EPHA6: variants seen among roughly 807,000 people sequenced by gnomAD.
EPHA6 encodes the protein EPH receptor A6.
A neutral mutation model predicts 112.0 loss-of-function variants in EPHA6; 50 were observed. That is an observed-to-expected ratio of 0.45 (90% CI 0.36 to 0.56). EPHA6 has a LOEUF of 0.56. Among genes scored for constraint, EPHA6 ranks in the 20% least tolerant of loss-of-function variants. The pLI is 0.00. For missense variants in EPHA6, 1,280 were observed against 1,417.4 expected (o/e 0.90, Z 1.56); for synonymous variants, 529 against 490.7 (o/e 1.08, Z -1.03).
In EPHA6 at chr3:97,130,376, G is replaced by T. The variant is rs1384098581; in HGVS notation, c.1115-95888G>T. Among the ~76,000 whole-genome samples, 20 of 151,626 alleles carry T rather than the reference G, an allele frequency of 1.3e-4. 1 individual carries two copies. Among genetic ancestry groups the T allele is most frequent in the East Asian group, 1.2e-3 (6 of 5,138 alleles). ...TACATATGGTAGTTAAATCCAATTTGCTTTTATTGTAAATTGGTTTGGTCA... is the reference window on the plus strand; with the variant it reads ...TACATATGGTAGTTAAATCCAATTTTCTTTTATTGTAAATTGGTTTGGTCA... On this transcript the variant is annotated intron_variant, in intron 3 of 17. Coordinates refer to ENST00000389672, the MANE Select transcript of EPHA6 (RefSeq NM_001080448.3).
intron 5 of EPHA6, among the ~76,000 whole-genome samples, chr3:97,263,362 A>G (rs954068151): frequency 6.6e-6 from 1 of 151,982 alleles, no homozygotes; most frequent in Non-Finnish European, 1.5e-5. Flanking sequence ...CAATAAAGGA[A>G]TATATGATTA....
chr3:96,859,424 C>G (rs1246491464), intron 1 of EPHA6, among the ~76,000 whole-genome samples: 1 of 148,454 alleles, frequency 6.7e-6, no homozygotes, highest in East Asian at 2.0e-4. Context: ...TTCTGTCACT[C>G]AGACTGGAGT....
intron 5 of EPHA6, among the ~76,000 whole-genome samples, chr3:97,366,884 T>C (rs1277968832): frequency 6.6e-6 from 1 of 152,184 alleles, no homozygotes; most frequent in Non-Finnish European, 1.5e-5. Context: ...TCCTATGAAA[T>C]GAAAGTAAGA....
intron 13 of EPHA6, chr3:97,612,291 A>C: frequency 3.1e-6 from 1 of 322,164 alleles, no homozygotes; most frequent in East Asian, 7.6e-5. Flanking sequence ...CATTCTTATC[A>C]GATACATATC....
intron 8 of EPHA6, among the ~76,000 whole-genome samples, chr3:97,478,552 A>C (rs2091440270): frequency 6.6e-6 from 1 of 151,970 alleles, no homozygotes; most frequent in African/African-American, 2.4e-5. Flanking sequence ...TTAACATTCC[A>C]TGCAATGAAG....
At chr3:97,066,184 G>A (rs1197599261) in intron 3 of EPHA6, among the ~76,000 whole-genome samples, 2 of 152,098 alleles carry the variant, frequency 1.3e-5, no homozygotes, top group East Asian at 3.9e-4. Context: ...TTGGTAATTT[G>A]TTTTGAATTA....
chr3:97,596,875 A>AAAATATAT (rs570033415), intron 12 of EPHA6, among the ~76,000 whole-genome samples: 2 of 100,408 alleles, frequency 2.0e-5, no homozygotes, highest in African/African-American at 1.1e-4. Context: ...ATATCTATGG[A>AAAATATAT]ATATATATAT....
chr3:97,220,482 G>C (rs543575937), intron 3 of EPHA6, among the ~76,000 whole-genome samples: 1 of 152,310 alleles, frequency 6.6e-6, no homozygotes, highest in South Asian at 2.1e-4. Context: ...TTGACCACCA[G>C]TTTAACATGT....
chr3:97,700,708 G>A lies in EPHA6; in HGVS notation c.2785-19553G>A, dbSNP rs567216716. 1.1e-4 allele frequency among the ~76,000 whole-genome samples: 17 copies of A among 152,108 alleles called. No homozygotes were observed. The South Asian group carries it at 3.5e-3, about 32-fold the overall frequency. On this transcript the variant is annotated intron_variant, in intron 14 of 17. Coordinates refer to ENST00000389672, the MANE Select transcript of EPHA6 (RefSeq NM_001080448.3). ...AAGAAATACACCACACACACATACA[G>A]TACACATATAAAATATATGCATATA...
intron 2 of EPHA6, among the ~76,000 whole-genome samples, chr3:96,891,518 C>T (rs1173793265): frequency 1.3e-5 from 2 of 151,946 alleles, no homozygotes; most frequent in Non-Finnish European, 2.9e-5. Context: ...CGAGACCAGC[C>T]TTCAACATGG....
At chr3:96,919,766 C>T (rs115112618) in intron 2 of EPHA6, among the ~76,000 whole-genome samples, 1,990 of 151,850 alleles carry the variant, frequency 0.013, 36 homozygotes, top group African/African-American at 0.041. Flanking sequence ...GCCTTTTGTG[C>T]TATTAAGTAC....
chr3:96,959,447 T>G (rs1311793595), intron 2 of EPHA6, among the ~76,000 whole-genome samples: 1 of 152,168 alleles, frequency 6.6e-6, no homozygotes, highest in Non-Finnish European at 1.5e-5. Context: ...TTTTTTCTAT[T>G]CTGTAGGTTG....
At chr3:97,218,049 A>T (rs2078081384) in intron 3 of EPHA6, among the ~76,000 whole-genome samples, 1 of 152,164 alleles carries the variant, frequency 6.6e-6, no homozygotes, top group Admixed American at 6.5e-5. Flanking sequence ...GGCAAGGCAG[A>T]TCACTGAAGC....
chr3:97,433,206 A>C (rs1181665102), intron 6 of EPHA6, among the ~76,000 whole-genome samples: 1 of 152,126 alleles, frequency 6.6e-6, no homozygotes, highest in Admixed American at 6.6e-5. Flanking sequence ...ACAGGTATGT[A>C]AGTTAATTGT....
chr3:97,031,644 A>G (rs1331500905), intron 3 of EPHA6, among the ~76,000 whole-genome samples: 2 of 152,224 alleles, frequency 1.3e-5, no homozygotes, highest in East Asian at 3.8e-4. Flanking sequence ...AAGGACATGA[A>G]CAGACACTTC....
chr3:97,497,487 C>T (rs1195488051), intron 10 of EPHA6, among the ~76,000 whole-genome samples: 1 of 152,096 alleles, frequency 6.6e-6, no homozygotes, highest in African/African-American at 2.4e-5. Flanking sequence ...CTCCTTCCCT[C>T]TCACCCTGCC....
chr3:97,314,348 T>A (rs2108762090), intron 5 of EPHA6, among the ~76,000 whole-genome samples: 1 of 151,688 alleles, frequency 6.6e-6, no homozygotes, highest in South Asian at 2.1e-4. Context: ...CTATTTGGAG[T>A]CTCTTCTGGA....
intron 2 of EPHA6, among the ~76,000 whole-genome samples, chr3:96,930,625 G>A (rs2040264059): frequency 6.6e-6 from 1 of 152,090 alleles, no homozygotes; most frequent in East Asian, 1.9e-4. Flanking sequence ...GAACATGCCT[G>A]TAGGAGGTGG....
intron 3 of EPHA6, among the ~76,000 whole-genome samples, chr3:96,996,526 G>A (rs761037306): frequency 3.3e-5 from 5 of 152,090 alleles, no homozygotes; most frequent in South Asian, 2.1e-4. Flanking sequence ...ATGGACTGCA[G>A]AATGGATGTT....
Sources: gnomAD v4.1 joint callset for allele counts (sites outside exome capture counted in the v4.1 genomes callset) on GRCh38, gnomAD v4.1.1 for gene constraint, MANE v1.5 for transcripts, NCBI Gene and HGNC (gene_info 2026-07-23, HGNC 2026-07-21) for gene names.